Variants in ABCD2 observed in about 807,000 individuals in gnomAD.
ABCD2 encodes ATP binding cassette subfamily D member 2.
ABCD2 carries 36 observed loss-of-function variants against 70.9 expected under a neutral mutation model. The ratio of observed to expected loss-of-function variants is 0.51; its 90% CI spans 0.39 to 0.67. The LOEUF (loss-of-function observed/expected upper bound fraction) is 0.67. ABCD2 is among the 30% of genes least tolerant of loss of function. The pLI, the probability that ABCD2 is intolerant of heterozygous loss-of-function variation, is 0.00. For synonymous variants in ABCD2, 304 were observed against 306.9 expected (o/e 0.99, Z 0.10); for missense variants, 729 against 890.2 (o/e 0.82, Z 2.30).
chr12:39,567,334 A>G (rs893681902), intron 9 of ABCD2, among the ~76,000 whole-genome samples: 3 of 152,152 alleles, frequency 2.0e-5, no homozygotes, highest in African/African-American at 7.2e-5. Context: ...GTGCATATAT[A>G]TTTAGGATAG....
intron 6 of ABCD2, among the ~76,000 whole-genome samples, chr12:39,599,456 G>A (rs187793695): frequency 1.3e-5 from 2 of 152,280 alleles, no homozygotes; most frequent in East Asian, 3.9e-4. Flanking sequence ...GGAATTGAAA[G>A]CATAGACAGA....
intron 2 of ABCD2, among the ~76,000 whole-genome samples, chr12:39,613,426 GTTGTAGACCT>G (rs1942074686): frequency 7.0e-6 from 1 of 143,056 alleles, no homozygotes; most frequent in South Asian, 2.3e-4. Context: ...AAGAATTGAG[GTTGTAGACCT>G]CAGGTAACTA....
At chr12:39,542,071 G>A in the ABCD2 span, among the ~76,000 whole-genome samples, 48 of 152,264 alleles carry the variant, frequency 3.2e-4, no homozygotes, top group Non-Finnish European at 5.4e-4. Flanking sequence ...CTGGGTGGTG[G>A]TTAAACAGGA....
At chr12:39,558,029 C>G (rs1387051199) in intron 9 of ABCD2, among the ~76,000 whole-genome samples, 1 of 152,216 alleles carries the variant, frequency 6.6e-6, no homozygotes, top group Non-Finnish European at 1.5e-5. Flanking sequence ...ACAGCTTGCA[C>G]CATGCACCTG....
Position 39,579,620 on chromosome 12 carries a change from CT to C in ABCD2, c.1793-2del. 1 of 1,599,334 alleles carries C rather than the reference CT, an allele frequency of 6.3e-7. No individual in the cohort carries two copies. The highest frequency in any genetic ancestry group is 8.5e-7 in the Non-Finnish European group (1 of 1,171,852). On this transcript the variant is annotated splice_acceptor_variant, in intron 7 of 9. Transcript: ENST00000308666. LOFTEE classifies it high-confidence loss of function. ...TTCCAGTCCATAACAGCATCCCATCCTTAAGAAAATAAAAAAATATACATTT... is the reference window on the plus strand; with the variant it reads ...TTCCAGTCCATAACAGCATCCCATCCTAAGAAAATAAAAAAATATACATTT...
downstream of ABCD2, among the ~76,000 whole-genome samples, chr12:39,545,934 A>T (rs1355191902): frequency 6.6e-6 from 1 of 152,170 alleles, no homozygotes. Context: ...ACATGGAGCT[A>T]GATAGTCCAT....
chr12:39,543,132 T>G, the ABCD2 span, among the ~76,000 whole-genome samples: 15 of 152,226 alleles, frequency 9.9e-5, no homozygotes, highest in Non-Finnish European at 1.8e-4. Context: ...AGTTTTTGAC[T>G]TATCATATTA....
At chr12:39,607,223 C>T (rs923702802) in intron 3 of ABCD2, among the ~76,000 whole-genome samples, 1 of 152,142 alleles carries the variant, frequency 6.6e-6, no homozygotes, top group African/African-American at 2.4e-5. Flanking sequence ...ATCATATCCC[C>T]ATTTTATAGA....
At chr12:39,603,298 C>G (rs551653012) in intron 5 of ABCD2, among the ~76,000 whole-genome samples, 48 of 151,996 alleles carry the variant, frequency 3.2e-4, no homozygotes, top group Non-Finnish European at 6.2e-4. Context: ...GTACTTGAAT[C>G]CCAAAACATG....
At chr12:39,604,619 CT>C in intron 4 of ABCD2, 142 bp downstream of exon 4, 2 of 564,450 alleles carry the variant, frequency 3.5e-6, no homozygotes, top group South Asian at 7.4e-5. Flanking sequence ...AATTGCAATA[CT>C]AATATTAGGG....
downstream of ABCD2, among the ~76,000 whole-genome samples, chr12:39,546,174 CTAA>C (rs1276354243): frequency 1.3e-5 from 2 of 152,050 alleles, no homozygotes; most frequent in Non-Finnish European, 2.9e-5. Flanking sequence ...ATAATTTTAC[CTAA>C]TAATGTGGGT....
chr12:39,607,816 A>C (rs1248489732), intron 2 of ABCD2, 102 bp from the exon 3 acceptor site: 5 of 772,964 alleles, frequency 6.5e-6, no homozygotes, highest in Non-Finnish European at 1.0e-5. Flanking sequence ...TAAAACAACC[A>C]CATATTAATT....
intron 9 of ABCD2, among the ~76,000 whole-genome samples, chr12:39,571,097 A>T (rs1171588603): frequency 6.6e-6 from 1 of 152,186 alleles, no homozygotes; most frequent in East Asian, 1.9e-4. Context: ...TGTGGAAAAA[A>T]GGGAACTCTT....
At chr12:39,557,914 G>A (rs1349880036) in intron 9 of ABCD2, among the ~76,000 whole-genome samples, 1 of 152,226 alleles carries the variant, frequency 6.6e-6, no homozygotes. Flanking sequence ...TGCTAGGGTA[G>A]TGCAGAAGGA....
chr12:39,570,529 A>C (rs1941433041), intron 9 of ABCD2, among the ~76,000 whole-genome samples: 1 of 152,224 alleles, frequency 6.6e-6, no homozygotes, highest in Non-Finnish European at 1.5e-5. Flanking sequence ...GTATATCCAC[A>C]GGTAGAAGAA....
chr12:39,544,285 A>C, the ABCD2 span, among the ~76,000 whole-genome samples: 1 of 152,156 alleles, frequency 6.6e-6, no homozygotes, highest in Non-Finnish European at 1.5e-5. Context: ...CAGCTGATCC[A>C]TCAAGTGCAG....
chr12:39,603,134 A>G (rs545893622), intron 5 of ABCD2, among the ~76,000 whole-genome samples: 1 of 152,186 alleles, frequency 6.6e-6, no homozygotes, highest in Non-Finnish European at 1.5e-5. Flanking sequence ...TACATCTTTA[A>G]TAATTAAACC....
At position 39,552,844 on chromosome 12, in the gene ABCD2, CAG is replaced by C. The variant is rs1367775176; in HGVS notation, c.*1066_*1067del. ...GGATAATAACAAAAGAGCACTAAAC[CAG>C]AGAGTCAGGAGAACTTCATTTGATT... On this transcript the variant is annotated 3_prime_UTR_variant, in exon 10 of 10. Transcript: ENST00000308666. 2 of 151,884 alleles carry C rather than the reference CAG, an allele frequency of 1.3e-5. No individual in the cohort carries two copies. The highest frequency in any genetic ancestry group is 2.4e-5 in the African/African-American group (1 of 41,398). The allele number at this position is 151,884 out of a possible 1,614,324, so 9.4% of individuals were successfully genotyped here. A position where few individuals can be genotyped will look rare whatever the true frequency, so the allele number is the denominator to read the frequency against.
intron 9 of ABCD2, among the ~76,000 whole-genome samples, chr12:39,565,978 C>T (rs916920930): frequency 4.6e-5 from 7 of 152,236 alleles, no homozygotes; most frequent in African/African-American, 1.7e-4. Flanking sequence ...AGGGATGAAG[C>T]CCACTTGATC....
Sources: allele counts gnomAD v4.1 joint callset (sites outside exome capture counted in the v4.1 genomes callset), GRCh38; gene constraint gnomAD v4.1.1; transcripts MANE v1.5; gene names NCBI Gene and HGNC (gene_info 2026-07-23, HGNC 2026-07-21).